Variants in DNAJB11 observed in about 807,000 individuals in gnomAD.
DNAJB11 encodes the protein dnaJ homolog subfamily B member 11.
DNAJB11 carries 30 observed loss-of-function variants against 47.2 expected under a neutral mutation model. That is an observed-to-expected ratio of 0.64 (90% CI 0.48 to 0.86). DNAJB11 has a LOEUF of 0.86. Ranked by LOEUF, DNAJB11 falls within the 40% of genes least tolerant of loss-of-function variation. The probability of loss-of-function intolerance (pLI) is 0.00; values close to 1 mark genes in which losing one functional copy is unlikely to be tolerated. For missense variants in DNAJB11, 357 were observed against 440.2 expected (o/e 0.81, Z 1.69); for synonymous variants, 151 against 159.9 (o/e 0.94, Z 0.42).
rs2010556 is a variant in DNAJB11 at position 186,572,359 on chromosome 3, A to T, written c.225+108A>T. On this transcript the variant is annotated intron_variant, in intron 2 of 9. Coordinates refer to ENST00000265028, the MANE Select transcript of DNAJB11 (RefSeq NM_016306.6). The stretch of plus-strand genomic sequence containing the variant: ...CTCACATTTATTTATTTATTTATTT[A>T]TTTTGAGACTGAGTCTCTATTGCCT... 6.6e-5 allele frequency: 47 copies of T among 707,998 alleles called. No homozygotes were observed. In the African/African-American group the frequency reaches 2.2e-3, roughly 33 times the overall value. 43.9% of individuals were successfully genotyped at this position (707,998 alleles called of 1,614,324 possible).
At chr3:186,583,613 TTCTC>T (rs751747295) in intron 7 of DNAJB11, among the ~76,000 whole-genome samples, 2 of 152,264 alleles carry the variant, frequency 1.3e-5, no homozygotes, top group Non-Finnish European at 2.9e-5. Context: ...GAAGCTGCCT[TTCTC>T]TCTTTTCCAT....
chr3:186,573,423 C>T (rs1423842600), intron 2 of DNAJB11, among the ~76,000 whole-genome samples: 1 of 152,022 alleles, frequency 6.6e-6, no homozygotes, highest in Non-Finnish European at 1.5e-5. Flanking sequence ...CTCGCTCTGT[C>T]TGCCAAGCTG....
chr3:186,582,646 T>G, intron 6 of DNAJB11, 70 bp from the exon 7 acceptor site: 5 of 1,286,090 alleles, frequency 3.9e-6, no homozygotes, highest in Non-Finnish European at 5.5e-6. Flanking sequence ...AAAAAATGTA[T>G]CAGTTGCCAA....
At chr3:186,581,289 A>T in intron 4 of DNAJB11, 82 bp from the exon 5 acceptor site, 2 of 1,502,842 alleles carry the variant, frequency 1.3e-6, no homozygotes, top group South Asian at 2.5e-5. Context: ...GTCCAGGCAT[A>T]TGTGCAGAGC....
chr3:186,581,921 A>G (rs1560237183), intron 5 of DNAJB11, 74 bp from the exon 6 acceptor site: 14 of 1,257,634 alleles, frequency 1.1e-5, no homozygotes, highest in Non-Finnish European at 1.6e-5. Flanking sequence ...TAAAATAGGT[A>G]TAACTTTATC....
At chr3:186,573,919 C>G (rs950336694) in intron 2 of DNAJB11, among the ~76,000 whole-genome samples, 3 of 152,144 alleles carry the variant, frequency 2.0e-5, no homozygotes, top group Non-Finnish European at 4.4e-5. Context: ...TATCAATGAC[C>G]TAGGCAGGCT....
rs1358615952 is a variant in DNAJB11 at position 186,575,880 on chromosome 3, A to G, written c.266A>G (p.Tyr89Cys). ...DSEKRKQYDT[Y>C]GEEGLKDGHQ... ...GAGAAACGGAAACAGTACGATACTTATGGTGAAGAAGGATTAAAAGATGGT... is the reference window on the plus strand; with the variant it reads ...GAGAAACGGAAACAGTACGATACTTGTGGTGAAGAAGGATTAAAAGATGGT... The change falls in exon 3 of 10, where the codon TAT becomes TGT. Residue 89 changes from tyrosine to cysteine, a missense_variant. Coordinates refer to ENST00000265028, the MANE Select transcript of DNAJB11 (RefSeq NM_016306.6). 6.2e-7 allele frequency: 1 copy of G among 1,613,904 alleles called. No individual in the cohort carries two copies. Among genetic ancestry groups the G allele is most frequent in the Admixed American group, 1.7e-5 (1 of 60,006 alleles).
chr3:186,583,942 T>C lies in DNAJB11; in HGVS notation c.818T>C (p.Phe273Ser). ...TCATTAGTTGAGTCACTGGTTGGCT[T>C]TGAGATGGATATTACTCACTTGGAT... ...TISLVESLVG[F>S]EMDITHLDGH... The change falls in exon 8 of 10, where the codon TTT becomes TCT. Residue 273 changes from phenylalanine to serine, a missense_variant. Transcript: ENST00000265028. 6.2e-7 allele frequency: 1 copy of C among 1,613,640 alleles called. No individual in the cohort carries two copies. The highest frequency in any genetic ancestry group is 8.5e-7 in the Non-Finnish European group (1 of 1,179,586).
At chr3:186,583,017 A>T (rs1715539696) in intron 7 of DNAJB11, among the ~76,000 whole-genome samples, 1 of 152,272 alleles carries the variant, frequency 6.6e-6, no homozygotes. Flanking sequence ...GTAAGGAGTT[A>T]TAAAAGAGAA....
intron 3 of DNAJB11, among the ~76,000 whole-genome samples, chr3:186,576,214 A>T (rs1715288841): frequency 6.6e-6 from 1 of 152,234 alleles, no homozygotes; most frequent in South Asian, 2.1e-4. Flanking sequence ...AAATCAGTTC[A>T]TCCTTGCCTA....
Position 186,581,401 on chromosome 3 carries a change from G to A in DNAJB11, c.487G>A (p.Ala163Thr). The A allele has an allele frequency of 6.2e-7, 1 of 1,613,852 alleles. No homozygotes were observed. The highest frequency in any genetic ancestry group is 8.5e-7 in the Non-Finnish European group (1 of 1,179,960). Reference sequence around the variant, plus strand: ...TAGAAACAAACCTGTGGCAAGGCAGGCTCCTGGCAAACGGAAGTGCAATTG... The same window carrying A: ...TAGAAACAAACCTGTGGCAAGGCAGACTCCTGGCAAACGGAAGTGCAATTG... ...VVRNKPVARQ[A>T]PGKRKCNCRQ... Residue 163 changes from alanine (A) to threonine (T), a missense_variant, in exon 5 of 10, where the codon GCT becomes ACT. By Grantham distance (58) the Ala-to-Thr change is moderately conservative. Coordinates refer to ENST00000265028, the MANE Select transcript of DNAJB11 (RefSeq NM_016306.6).
Position 186,572,106 on chromosome 3 carries a change from A to T in DNAJB11, c.80A>T (p.Tyr27Phe), listed in dbSNP as rs777074056. ...IGAVIAGRDF[Y>F]KILGVPRSAS... ...CCTCTACTTCCCAGACGAGATTTCT[A>T]TAAGATCTTGGGGGTGCCTCGAAGT... is the stretch of plus-strand genomic sequence containing the variant. The change falls in exon 2 of 10, where the codon TAT (tyrosine) becomes TTT (phenylalanine). Residue 27 changes from tyrosine to phenylalanine, a missense_variant. Physicochemically the swap from Tyr to Phe is conservative, Grantham distance 22 (BLOSUM62 3). Transcript: ENST00000265028. 2 of 1,582,416 alleles carry T rather than the reference A, an allele frequency of 1.3e-6. No homozygotes were observed. The highest frequency in any genetic ancestry group is 1.7e-6 in the Non-Finnish European group (2 of 1,169,674).
chr3:186,584,505 G>C lies in DNAJB11; in HGVS notation c.928G>C (p.Asp310His), dbSNP rs746267315. 1 of 1,601,832 alleles carries C rather than the reference G, an allele frequency of 6.2e-7. No individual in the cohort carries two copies. The highest frequency in any genetic ancestry group is 2.3e-5 in the East Asian group (1 of 44,336). Residue 310 changes from aspartate (D) to histidine (H), a missense_variant, in exon 9 of 10, where the codon GAC (aspartate) becomes CAC (histidine). Transcript: ENST00000265028. Reference sequence around the variant, plus strand: ...GAAAGGGGAAGGGCTCCCCAACTTTGACAACAACAATATCAAGGGCTCTTT... The same window carrying C: ...GAAAGGGGAAGGGCTCCCCAACTTTCACAACAACAATATCAAGGGCTCTTT... ...WKKGEGLPNF[D>H]NNNIKGSLII...
Position 186,585,478 on chromosome 3 carries a change from G to C in DNAJB11, c.*70G>C. 7.9e-7 allele frequency: 1 copy of C among 1,259,152 alleles called. No individual in the cohort carries two copies. The allele number at this position is 1,259,152 out of a possible 1,614,324, so 78.0% of individuals were successfully genotyped here. Reference sequence around the variant, plus strand: ...TATTTATTATCTGCAAGGTTTTTTTGTGTGTGTTTTTGTTTTTATTTTCAA... The same window carrying C: ...TATTTATTATCTGCAAGGTTTTTTTCTGTGTGTTTTTGTTTTTATTTTCAA... On this transcript the variant is annotated 3_prime_UTR_variant, in exon 10 of 10. Transcript: ENST00000265028.
At position 186,574,476 on chromosome 3, in the gene DNAJB11, T is replaced by G. The variant is rs1481357683; in HGVS notation, c.226-1364T>G. Among the ~76,000 whole-genome samples, 10 of 149,158 alleles carry G rather than the reference T, an allele frequency of 6.7e-5. No individual in the cohort carries two copies. In the East Asian group the frequency reaches 2.0e-3, roughly 30 times the overall value. Reference sequence around the variant, plus strand: ...TGGAGATCCAGTTAATAATAAGGGTTTTTTTTTTTTTCAAGTTAATTGTGC... The same window carrying G: ...TGGAGATCCAGTTAATAATAAGGGTGTTTTTTTTTTTCAAGTTAATTGTGC... On this transcript the variant is annotated intron_variant, in intron 2 of 9. Coordinates refer to ENST00000265028, the MANE Select transcript of DNAJB11 (RefSeq NM_016306.6).
chr3:186,585,213 T>A (rs1019291061), intron 9 of DNAJB11, 131 bp from the exon 10 acceptor site: 2 of 618,694 alleles, frequency 3.2e-6, no homozygotes, highest in Non-Finnish European at 5.6e-6. Flanking sequence ...CGTTGGAGAT[T>A]GGTAGTTATT....
chr3:186,582,325 A>G (rs941660944), intron 6 of DNAJB11, among the ~76,000 whole-genome samples: 3 of 152,236 alleles, frequency 2.0e-5, no homozygotes, highest in Non-Finnish European at 4.4e-5. Flanking sequence ...TTTCATCAAA[A>G]TTTAGGGTGT....
At position 186,585,451 on chromosome 3, in the gene DNAJB11, G is replaced by T. The variant is rs371457689; in HGVS notation, c.*43G>T. The T allele has an allele frequency of 6.9e-7, 1 of 1,452,226 alleles. No individual in the cohort carries two copies. The highest frequency in any genetic ancestry group is 1.2e-5 in the South Asian group (1 of 80,664). The allele number at this position is 1,452,226 out of a possible 1,614,324, so 90.0% of individuals were successfully genotyped here. A position where few individuals can be genotyped will look rare whatever the true frequency, so the allele number is the denominator to read the frequency against. On this transcript the variant is annotated 3_prime_UTR_variant, in exon 10 of 10. Transcript: ENST00000265028. ...CTTTGTTTAAAATAAGTGAATAAGCGATATTTATTATCTGCAAGGTTTTTT... is the reference window on the plus strand; with the variant it reads ...CTTTGTTTAAAATAAGTGAATAAGCTATATTTATTATCTGCAAGGTTTTTT...
At position 186,570,812 on chromosome 3, in the gene DNAJB11, C is replaced by A; in HGVS notation, c.-86C>A. 1 of 1,363,338 alleles carries A rather than the reference C, an allele frequency of 7.3e-7. No individual in the cohort carries two copies. Among genetic ancestry groups the A allele is most frequent in the Non-Finnish European group, 1.0e-6 (1 of 983,126 alleles). The allele number at this position is 1,363,338 out of a possible 1,614,324, so 84.5% of individuals were successfully genotyped here. ...GCGCCCCCCCGGTGTGAGGCGGCCTCACAGGGCCGGGTGGGCTGGCGAGCC... is the reference window on the plus strand; with the variant it reads ...GCGCCCCCCCGGTGTGAGGCGGCCTAACAGGGCCGGGTGGGCTGGCGAGCC... On this transcript the variant is annotated 5_prime_UTR_variant, in exon 1 of 10. Coordinates refer to ENST00000265028, the MANE Select transcript of DNAJB11 (RefSeq NM_016306.6).
Sources: allele counts gnomAD v4.1 joint callset (sites outside exome capture counted in the v4.1 genomes callset), GRCh38; gene constraint gnomAD v4.1.1; transcripts MANE v1.5; gene names NCBI Gene and HGNC (gene_info 2026-07-23, HGNC 2026-07-21).